VPS13A: variants seen among roughly 807,000 people sequenced by gnomAD.
The protein encoded by VPS13A is intermembrane lipid transfer protein VPS13A.
A neutral mutation model predicts 390.9 loss-of-function variants in VPS13A; 264 were observed. The ratio of observed to expected loss-of-function variants is 0.68; its 90% CI spans 0.61 to 0.75. The LOEUF (loss-of-function observed/expected upper bound fraction) is 0.75, where lower values mean the gene tolerates loss of function less well. VPS13A is among the 30% of genes least tolerant of loss of function. The pLI is 0.00. For synonymous variants in VPS13A, 1,231 were observed against 1,227.1 expected (o/e 1.00, Z -0.07); for missense variants, 3,409 against 3,733.9 (o/e 0.91, Z 2.27).
At chr9:77,195,780 A>T (rs570772284) in intron 1 of VPS13A, among the ~76,000 whole-genome samples, 1 of 151,772 alleles carries the variant, frequency 6.6e-6, no homozygotes, top group African/African-American at 2.4e-5. Flanking sequence ...TTTTATTTTT[A>T]TTTTTTTTCC....
intron 60 of VPS13A, 89 bp downstream of exon 60, chr9:77,365,662 A>C: frequency 1.3e-6 from 1 of 762,386 alleles, no homozygotes; most frequent in Non-Finnish European, 2.2e-6. Flanking sequence ...GTAATATATA[A>C]AATCTGTAAA....
chr9:77,248,803 C>G (rs1824981375), intron 20 of VPS13A, among the ~76,000 whole-genome samples: 1 of 152,128 alleles, frequency 6.6e-6, no homozygotes, highest in Admixed American at 6.5e-5. Context: ...GTGATTTCAG[C>G]TCACTGCAAC....
intron 3 of VPS13A, 93 bp downstream of exon 3, chr9:77,201,500 T>G: frequency 9.2e-7 from 1 of 1,085,192 alleles, no homozygotes; most frequent in Non-Finnish European, 1.4e-6. Context: ...TTTTTCATGT[T>G]TCTGAGCATC....
At chr9:77,384,478 T>C in intron 68 of VPS13A, 1 of 1,530,200 alleles carries the variant, frequency 6.5e-7, no homozygotes, top group South Asian at 1.1e-5. Flanking sequence ...AAATCTGCTT[T>C]AAAATTATTC....
At chr9:77,190,195 G>A (rs538030942) in intron 1 of VPS13A, among the ~76,000 whole-genome samples, 5 of 152,262 alleles carry the variant, frequency 3.3e-5, no homozygotes, top group South Asian at 4.1e-4. Context: ...AATACTTCCA[G>A]ATTTTGCTCA....
chr9:77,380,879 G>GC (rs1833390651), intron 67 of VPS13A, among the ~76,000 whole-genome samples: 1 of 152,182 alleles, frequency 6.6e-6, no homozygotes, highest in Non-Finnish European at 1.5e-5. Flanking sequence ...AGAATCTGAT[G>GC]CCGCTGCTGA....
chr9:77,302,484 C>T (rs920808483), intron 33 of VPS13A, among the ~76,000 whole-genome samples: 1 of 150,186 alleles, frequency 6.7e-6, no homozygotes, highest in Admixed American at 6.7e-5. Context: ...GCAATTCTCC[C>T]ACCTCAGCCT....
chr9:77,384,541 T>C, intron 68 of VPS13A: 1 of 1,610,182 alleles, frequency 6.2e-7, no homozygotes, highest in Non-Finnish European at 8.5e-7. Context: ...TTTGCCATAC[T>C]CTACTAACCT....
At chr9:77,197,782 G>T (rs1241833610) in intron 1 of VPS13A, among the ~76,000 whole-genome samples, 1 of 152,114 alleles carries the variant, frequency 6.6e-6, no homozygotes, top group Non-Finnish European at 1.5e-5. Context: ...ATAATTTTCT[G>T]CATGAAACAA....
intron 46 of VPS13A, 72 bp from the exon 47 acceptor site, chr9:77,337,183 A>G (rs1249619134): frequency 2.1e-6 from 3 of 1,399,856 alleles, no homozygotes; most frequent in Non-Finnish European, 2.9e-6. Context: ...TTGTTATTCT[A>G]AAGCTGTAAT....
intron 24 of VPS13A, among the ~76,000 whole-genome samples, chr9:77,275,223 A>G (rs1036094872): frequency 6.6e-6 from 1 of 152,146 alleles, no homozygotes; most frequent in African/African-American, 2.4e-5. Context: ...ATTTCAAAAG[A>G]TGGGCTTCTT....
At chr9:77,246,045 A>G (rs1824788414) in intron 19 of VPS13A, among the ~76,000 whole-genome samples, 1 of 152,140 alleles carries the variant, frequency 6.6e-6, no homozygotes, top group Admixed American at 6.5e-5. Context: ...TGAGGACAAC[A>G]TCAAGCCATT....
chr9:77,353,339 A>G, intron 53 of VPS13A, 70 bp from the exon 54 acceptor site: 1 of 1,233,854 alleles, frequency 8.1e-7, no homozygotes, highest in South Asian at 1.4e-5. Context: ...TGTGAAATCT[A>G]AATTTCATGT....
intron 22 of VPS13A, among the ~76,000 whole-genome samples, chr9:77,255,002 G>A (rs895030612): frequency 6.6e-6 from 1 of 151,804 alleles, no homozygotes; most frequent in African/African-American, 2.4e-5. Context: ...TGCCTAATTG[G>A]TCTGTCTAGA....
chr9:77,318,336 A>C lies in VPS13A; in HGVS notation c.5058A>C (p.Leu1686Phe). The C allele has an allele frequency of 6.2e-7, 1 of 1,613,208 alleles. No homozygotes were observed. Among genetic ancestry groups the C allele is most frequent in the Non-Finnish European group, 8.5e-7 (1 of 1,179,770 alleles). The change falls in exon 41 of 72, where the codon TTA becomes TTC. Residue 1686 changes from leucine (L) to phenylalanine (F), a missense_variant. Leu to Phe is a conservative substitution (Grantham distance 22). This residue lies in a region of VPS13A where 2,717 missense variants were observed against 2,917.4 expected (regional missense o/e 0.93). Coordinates refer to ENST00000360280, the MANE Select transcript of VPS13A (RefSeq NM_033305.3). ...AAACGGCTTCTTCTACTGCACATTT[A>C]TGGGAAAAGAAGGATACAAAGACTT... ...PEETASSTAH[L>F]WEKKDTKTLK... is the part of the protein sequence containing the mutation.
intron 34 of VPS13A, among the ~76,000 whole-genome samples, chr9:77,305,961 A>G (rs1362336877): frequency 6.6e-6 from 1 of 152,212 alleles, no homozygotes; most frequent in Admixed American, 6.5e-5. Context: ...AAGAGTGCCA[A>G]TTAATAATCA....
chr9:77,342,700 C>T (rs1205754292), intron 50 of VPS13A, among the ~76,000 whole-genome samples: 1 of 152,142 alleles, frequency 6.6e-6, no homozygotes, highest in East Asian at 1.9e-4. Flanking sequence ...CAAGATATCT[C>T]ATCATATATA....
intron 22 of VPS13A, among the ~76,000 whole-genome samples, chr9:77,252,955 C>T (rs1406431983): frequency 2.6e-5 from 4 of 152,132 alleles, no homozygotes; most frequent in Non-Finnish European, 4.4e-5. Flanking sequence ...GTACAAATAT[C>T]TGCTTAAGTC....
At chr9:77,381,742 A>G (rs1211962639) in intron 67 of VPS13A, among the ~76,000 whole-genome samples, 1 of 152,174 alleles carries the variant, frequency 6.6e-6, no homozygotes, top group African/African-American at 2.4e-5. Context: ...AAAAGCAACA[A>G]TTGCTAATAT....
Sources: gnomAD v4.1 joint callset for allele counts (sites outside exome capture counted in the v4.1 genomes callset) on GRCh38, gnomAD v4.1.1 for gene constraint, gnomAD v4.1.1 regional missense constraint, MANE v1.5 for transcripts, NCBI Gene and HGNC (gene_info 2026-07-23, HGNC 2026-07-21) for gene names.